The following SPATA6L variants were observed in gnomAD, a reference collection of about 807,000 sequenced individuals.
The protein encoded by SPATA6L is spermatogenesis associated 6 like.
Under a neutral mutation model 49.2 loss-of-function variants are expected in SPATA6L, and 68 were observed. The ratio of observed to expected loss-of-function variants is 1.38; its 90% confidence interval spans 1.14 to 1.69. SPATA6L has a LOEUF of 1.69. Ranked by LOEUF, SPATA6L falls within the 40% of genes most tolerant of loss-of-function variation. The pLI is 0.00. For missense variants in SPATA6L, 668 were observed against 464.3 expected (o/e 1.44, Z -4.03); for synonymous variants, 198 against 165.7 (o/e 1.19, Z -1.50).
In SPATA6L at chr9:4,629,117, C is replaced by G. The variant is rs774237606; in HGVS notation, c.403G>C (p.Val135Leu). 6.2e-7 allele frequency: 1 copy of G among 1,610,566 alleles called. No individual in the cohort carries two copies. Among genetic ancestry groups the G allele is most frequent in the Admixed American group, 1.7e-5 (1 of 59,874 alleles). The stretch of plus-strand genomic sequence containing the variant: ...AGAAATCTGTTTCTATGCAGAAACA[C>G]ACATTCTCTGATGGCTGTCCTTGTA... ...FSTRTAIREC[V>L]FLHRNRFLEE... Residue 135 changes from valine to leucine, a missense_variant, in exon 5 of 12, where the codon GTG (valine) becomes CTG (leucine). Val to Leu is a conservative substitution (Grantham distance 32). Coordinates refer to ENST00000682582, the MANE Select transcript of SPATA6L (RefSeq NM_001353486.2).
chr9:4,655,980 G>A (rs7869370), intron 3 of SPATA6L, 61 bp downstream of exon 3: 33,295 of 1,289,856 alleles, frequency 0.026, 1,715 homozygotes, highest in African/African-American at 0.19. Flanking sequence ...GCAGAGTTTT[G>A]AATCTGTGAA....
At chr9:4,653,119 C>G (rs1837301067) in intron 3 of SPATA6L, among the ~76,000 whole-genome samples, 1 of 152,138 alleles carries the variant, frequency 6.6e-6, no homozygotes, top group Non-Finnish European at 1.5e-5. Flanking sequence ...AAATTTATTA[C>G]AAAGCTACGG....
chr9:4,627,056 CTTTTG>C (rs1830480402), intron 5 of SPATA6L: 1 of 151,502 alleles, frequency 6.6e-6, no homozygotes, highest in South Asian at 2.1e-4. Context: ...TAAAGTGATA[CTTTTG>C]TTTTAAGGGA....
chr9:4,621,491 C>CTT (rs111875141), intron 7 of SPATA6L, among the ~76,000 whole-genome samples: 1 of 145,798 alleles, frequency 6.9e-6, no homozygotes, highest in Admixed American at 6.9e-5. Flanking sequence ...GTGTGCTATT[C>CTT]TTTTTTTTTT....
chr9:4,634,210 T>G (rs1370778009), intron 4 of SPATA6L, among the ~76,000 whole-genome samples: 9 of 152,230 alleles, frequency 5.9e-5, no homozygotes, highest in African/African-American at 2.2e-4. Context: ...ATCCCCTACC[T>G]AATTCTCATC....
At chr9:4,625,269 C>T in intron 6 of SPATA6L, 58 bp downstream of exon 6, 4 of 1,525,584 alleles carry the variant, frequency 2.6e-6, no homozygotes, top group East Asian at 2.3e-5. Context: ...TCCTTTCTTC[C>T]ACCCTCATCC....
downstream of SPATA6L, among the ~76,000 whole-genome samples, chr9:4,597,244 G>C (rs1227034231): frequency 6.6e-6 from 1 of 151,744 alleles, no homozygotes. Flanking sequence ...TTGAGGCCAG[G>C]AGTTCAAGAC....
At chr9:4,607,741 G>A (rs1429259412) in intron 9 of SPATA6L, among the ~76,000 whole-genome samples, 2 of 152,074 alleles carry the variant, frequency 1.3e-5, no homozygotes, top group South Asian at 2.1e-4. Flanking sequence ...ATCAACTAAC[G>A]AGCAAAATAA....
intron 3 of SPATA6L, among the ~76,000 whole-genome samples, chr9:4,642,023 C>G (rs1229249501): frequency 6.6e-6 from 1 of 152,212 alleles, no homozygotes; most frequent in African/African-American, 2.4e-5. Context: ...CCACCTTTGC[C>G]TCTCAAAGTG....
chr9:4,656,846 C>T (rs772575838), intron 2 of SPATA6L, among the ~76,000 whole-genome samples: 66 of 152,184 alleles, frequency 4.3e-4, no homozygotes, highest in Non-Finnish European at 3.1e-4. Flanking sequence ...TGAATGGTTT[C>T]TCTCTCCAAG....
chr9:4,610,270 T>A (rs1238797610), intron 9 of SPATA6L, among the ~76,000 whole-genome samples: 1 of 149,210 alleles, frequency 6.7e-6, no homozygotes, highest in Non-Finnish European at 1.5e-5. Context: ...TACCAATGAC[T>A]TTCTTCACAG....
At chr9:4,664,881 C>G (rs1267360387) in intron 1 of SPATA6L, 1 of 167,092 alleles carries the variant, frequency 6.0e-6, no homozygotes, top group Non-Finnish European at 1.5e-5. Context: ...TACCGACTAC[C>G]TCTTCACTTG....
chr9:4,602,025 G>A (rs111694674), intron 11 of SPATA6L, among the ~76,000 whole-genome samples: 22 of 152,284 alleles, frequency 1.4e-4, no homozygotes, highest in African/African-American at 4.1e-4. Context: ...CTCAAGAAGC[G>A]GGGTCAGGGA....
At chr9:4,620,227 C>T (rs1417397014) in intron 7 of SPATA6L, among the ~76,000 whole-genome samples, 1 of 151,930 alleles carries the variant, frequency 6.6e-6, no homozygotes, top group East Asian at 1.9e-4. Context: ...TAACCTCCTT[C>T]CCCTGTGGAT....
At chr9:4,661,249 A>G (rs1192944989) in intron 2 of SPATA6L, among the ~76,000 whole-genome samples, 2 of 152,216 alleles carry the variant, frequency 1.3e-5, no homozygotes, top group Non-Finnish European at 2.9e-5. Flanking sequence ...GTTAAAATTG[A>G]TTCCATCTCC....
chr9:4,661,528 C>G (rs1308207040), intron 2 of SPATA6L, among the ~76,000 whole-genome samples: 3 of 150,644 alleles, frequency 2.0e-5, no homozygotes, highest in African/African-American at 7.3e-5. Flanking sequence ...CGCTATTTTT[C>G]TTGGTCTAAC....
At chr9:4,605,918 G>T (rs1206704766) in intron 9 of SPATA6L, among the ~76,000 whole-genome samples, 1 of 152,198 alleles carries the variant, frequency 6.6e-6, no homozygotes, top group Non-Finnish European at 1.5e-5. Context: ...TCTCACTAGG[G>T]AGTGCCAGAC....
chr9:4,653,568 A>G (rs1370236723), intron 3 of SPATA6L, among the ~76,000 whole-genome samples: 1 of 152,228 alleles, frequency 6.6e-6, no homozygotes, highest in South Asian at 2.1e-4. Flanking sequence ...GTGAAAGACA[A>G]TTCTAGAATG....
downstream of SPATA6L, among the ~76,000 whole-genome samples, chr9:4,597,184 G>A (rs1822332077): frequency 6.6e-6 from 1 of 152,092 alleles, no homozygotes; most frequent in Non-Finnish European, 1.5e-5. Flanking sequence ...GGGGCGCAGT[G>A]GCTCATACCT....
Sources: gnomAD v4.1 joint callset for allele counts (sites outside exome capture counted in the v4.1 genomes callset) on GRCh38, gnomAD v4.1.1 for gene constraint, MANE v1.5 for transcripts, NCBI Gene and HGNC (gene_info 2026-07-23, HGNC 2026-07-21) for gene names.